The following ZNF407 variants were observed in gnomAD, a reference collection of about 807,000 sequenced individuals.
ZNF407 encodes the protein zinc finger protein 407.
A neutral mutation model predicts 131.2 loss-of-function variants in ZNF407; 17 were observed. The ratio of observed to expected loss-of-function variants is 0.13; its 90% CI spans 0.09 to 0.19. The LOEUF is 0.19. Ranked by LOEUF, ZNF407 falls within the 10% of genes least tolerant of loss-of-function variation. The pLI is 1.00. For synonymous variants in ZNF407, 1,156 were observed against 1,062.0 expected (o/e 1.09, Z -1.72); for missense variants, 2,681 against 2,830.6 (o/e 0.95, Z 1.20).
At chr18:74,792,335 G>A (rs574288716) in intron 4 of ZNF407, among the ~76,000 whole-genome samples, 1 of 151,658 alleles carries the variant, frequency 6.6e-6, no homozygotes, top group South Asian at 2.1e-4. Flanking sequence ...ATTTAAATTA[G>A]ACCCAAATTT....
At chr18:75,029,636 C>T (rs1319589004) in intron 8 of ZNF407, among the ~76,000 whole-genome samples, 1 of 152,138 alleles carries the variant, frequency 6.6e-6, no homozygotes, top group Non-Finnish European at 1.5e-5. Flanking sequence ...CGTGGGTGTG[C>T]GTGCGTGTGC....
chr18:74,973,395 C>T (rs1418391762), intron 8 of ZNF407, among the ~76,000 whole-genome samples: 2 of 152,142 alleles, frequency 1.3e-5, no homozygotes, highest in African/African-American at 2.4e-5. Flanking sequence ...ACTAAGTAGT[C>T]GCCTTGAAGT....
chr18:74,893,066 T>A (rs1287377240), intron 7 of ZNF407, among the ~76,000 whole-genome samples: 2 of 152,192 alleles, frequency 1.3e-5, no homozygotes. Context: ...TTTACTAAGG[T>A]TGAGATCATA....
intron 8 of ZNF407, among the ~76,000 whole-genome samples, chr18:75,047,992 C>A (rs1026780854): frequency 1.3e-5 from 2 of 152,220 alleles, no homozygotes; most frequent in Admixed American, 1.3e-4. Flanking sequence ...ACCTGCCTTT[C>A]TTTTCTTCGT....
intron 4 of ZNF407, among the ~76,000 whole-genome samples, chr18:74,842,756 C>T (rs1379575933): frequency 1.3e-5 from 2 of 152,050 alleles, no homozygotes; most frequent in South Asian, 2.1e-4. Flanking sequence ...CAGAATATCG[C>T]TCTGTTGCCC....
intron 5 of ZNF407, 112 bp downstream of exon 5, chr18:74,877,475 T>C (rs1971175308): frequency 9.8e-7 from 1 of 1,023,750 alleles, no homozygotes. Context: ...GGAAATGATG[T>C]CCTGCTTTAA....
intron 7 of ZNF407, among the ~76,000 whole-genome samples, chr18:74,919,228 C>T (rs981847752): frequency 2.0e-5 from 3 of 152,206 alleles, no homozygotes; most frequent in African/African-American, 7.2e-5. Flanking sequence ...GCGTCATTGA[C>T]TGCCTTTGTG....
chr18:74,657,082 GTTT>G (rs11338662), intron 3 of ZNF407, among the ~76,000 whole-genome samples: 5 of 134,626 alleles, frequency 3.7e-5, no homozygotes, highest in Admixed American at 1.5e-4. Context: ...TGTTGAACTA[GTTT>G]TTTTTTTTTT....
In ZNF407 at chr18:75,063,823, C is replaced by A; in HGVS notation, c.6102C>A (p.Asp2034Glu). The change falls in exon 9 of 9, where the codon GAC becomes GAA. Residue 2034 changes from aspartate (D) to glutamate (E), a missense_variant. By Grantham distance (45) the Asp-to-Glu change is conservative. Coordinates refer to ENST00000299687, the MANE Select transcript of ZNF407 (RefSeq NM_017757.3). The surrounding 1 kb of genome is among the most constrained non-coding windows in gnomAD (Gnocchi z 6.6). ...PGQEVSHVAA[D>E]PEAPEIQMFP... is the part of the protein sequence containing the mutation. ...AGGAGGTCTCCCATGTGGCTGCCGA[C>A]CCCGAGGCCCCCGAGATCCAGATGT... 1 of 1,607,236 alleles carries A rather than the reference C, an allele frequency of 6.2e-7. No individual in the cohort carries two copies.
At chr18:74,928,902 A>G (rs1001731658) in intron 8 of ZNF407, among the ~76,000 whole-genome samples, 9 of 152,112 alleles carry the variant, frequency 5.9e-5, no homozygotes, top group African/African-American at 2.2e-4. Flanking sequence ...TGTCTACTGC[A>G]CTCTGTAGTT....
chr18:74,836,782 G>C (rs957792197), intron 4 of ZNF407, among the ~76,000 whole-genome samples: 3 of 152,240 alleles, frequency 2.0e-5, no homozygotes, highest in Non-Finnish European at 4.4e-5. Flanking sequence ...CTGTGAGTTA[G>C]ATATCATTGT....
intron 4 of ZNF407, among the ~76,000 whole-genome samples, chr18:74,868,686 G>A (rs939851886): frequency 6.6e-5 from 10 of 152,194 alleles, no homozygotes; most frequent in Non-Finnish European, 1.0e-4. Flanking sequence ...AGTCGCTGCT[G>A]TTTCCATCAC....
intron 3 of ZNF407, among the ~76,000 whole-genome samples, chr18:74,673,774 G>A (rs796791871): frequency 2.0e-5 from 3 of 152,184 alleles, no homozygotes; most frequent in Non-Finnish European, 4.4e-5. Flanking sequence ...TTGTTTCACT[G>A]TAATTTAAAT....
intron 8 of ZNF407, among the ~76,000 whole-genome samples, chr18:75,016,490 C>CTA (rs1298080256): frequency 7.6e-6 from 1 of 131,268 alleles, no homozygotes; most frequent in Non-Finnish European, 1.7e-5. Flanking sequence ...TCAGATAGAA[C>CTA]TATATTGGTG....
rs370159868 is a variant in ZNF407, at chr18:75,064,455, T to G, written c.6734T>G (p.Leu2245Arg). ...AIQSQRESSE[L>R]QEA ...CAGAGCCAAAGAGAAAGCAGCGAAC[T>G]CCAGGAAGCATGAGACGCGCGGCAC... The change falls in exon 9 of 9, where the codon CTC becomes CGC. Residue 2245 changes from leucine (L) to arginine (R), a missense_variant. By Grantham distance (102) the Leu-to-Arg change is moderately radical. Transcript: ENST00000299687. The G allele has an allele frequency of 5.4e-6, 8 of 1,490,466 alleles. No individual in the cohort carries two copies. Among genetic ancestry groups the G allele is most frequent in the Non-Finnish European group, 4.5e-6 (5 of 1,117,606 alleles). 92.3% of individuals were successfully genotyped at this position (1,490,466 alleles called of 1,614,324 possible).
intron 7 of ZNF407, among the ~76,000 whole-genome samples, chr18:74,916,379 G>C: frequency 8.1e-6 from 1 of 123,158 alleles, no homozygotes; most frequent in Non-Finnish European, 1.6e-5. Context: ...TGCTGGTATG[G>C]TGAGGTTGTG....
At chr18:74,967,243 G>A (rs940457971) in intron 8 of ZNF407, among the ~76,000 whole-genome samples, 3 of 151,872 alleles carry the variant, frequency 2.0e-5, no homozygotes, top group African/African-American at 7.3e-5. Context: ...ACCCTAACAC[G>A]AAAAAAGAAA....
At chr18:74,992,705 T>G (rs1412834494) in intron 8 of ZNF407, among the ~76,000 whole-genome samples, 2 of 152,174 alleles carry the variant, frequency 1.3e-5, no homozygotes, top group Non-Finnish European at 2.9e-5. Context: ...AAGGCAAGTG[T>G]TGTTGTTTGC....
intron 3 of ZNF407, among the ~76,000 whole-genome samples, chr18:74,694,714 G>C (rs899173949): frequency 6.6e-6 from 1 of 151,958 alleles, no homozygotes; most frequent in African/African-American, 2.4e-5. Context: ...TCTTCTTCTC[G>C]TCCTATTCTG....
Sources: gnomAD v4.1 joint callset for allele counts (sites outside exome capture counted in the v4.1 genomes callset) on GRCh38, gnomAD v4.1.1 for gene constraint, Gnocchi (gnomAD v3.1) non-coding constraint, MANE v1.5 for transcripts, NCBI Gene and HGNC (gene_info 2026-07-23, HGNC 2026-07-21) for gene names.